SEM1: variants seen among roughly 807,000 people sequenced by gnomAD.
The protein encoded by SEM1 is 26S proteasome complex subunit SEM1.
SEM1 carries 3 observed loss-of-function variants against 12.7 expected under a neutral mutation model. The observed-to-expected ratio is 0.24, with a 90% CI of 0.11 to 0.61. The LOEUF is 0.61. Ranked by LOEUF, SEM1 falls within the 20% of genes least tolerant of loss-of-function variation. SEM1 has a pLI of 0.88. For synonymous variants in SEM1, 30 were observed against 27.8 expected, an observed-to-expected ratio of 1.08 and a Z score of -0.25; for missense variants, 59 against 81.3, an observed-to-expected ratio of 0.73 and a Z score of 1.06.
At chr7:96,487,039 G>C (rs1202390794) in intron 1 of SEM1, among the ~76,000 whole-genome samples, 1 of 152,102 alleles carries the variant, frequency 6.6e-6, no homozygotes. Flanking sequence ...GCAACTATTT[G>C]AGGAAACGCT....
chr7:96,669,459 T>C (rs1789255591), downstream of SEM1, among the ~76,000 whole-genome samples: 1 of 152,110 alleles, frequency 6.6e-6, no homozygotes, highest in Non-Finnish European at 1.5e-5. Context: ...AATCAGAAAA[T>C]GGTATAGAAA....
chr7:96,636,483 T>C lies in SEM1; in HGVS notation c.171-13840A>G, dbSNP rs151234374. Among the ~76,000 whole-genome samples the C allele has an allele frequency of 4.9e-4, 74 of 151,860 alleles. 1 individual carries two copies. The highest frequency in any genetic ancestry group is 1.7e-3 in the African/African-American group (70 of 41,436). On this transcript the variant is annotated intron_variant, in intron 2 of 2. Coordinates refer to the SEM1 transcript ENST00000417009. ...ACCACCAAGAGCTCTTCAGTGAAGT[T>C]AGAAATGGAGAAAAATCCAAGAAGC...
At chr7:96,584,779 A>G (rs1051866327) in intron 2 of SEM1, among the ~76,000 whole-genome samples, 1 of 152,036 alleles carries the variant, frequency 6.6e-6, no homozygotes, top group Non-Finnish European at 1.5e-5. Flanking sequence ...AGGCTTCTGC[A>G]TTCTTCACAT....
chr7:96,531,210 C>T (rs891779569), intron 2 of SEM1, among the ~76,000 whole-genome samples: 6 of 151,826 alleles, frequency 4.0e-5, no homozygotes, highest in Admixed American at 1.3e-4. Context: ...AAAATTTATG[C>T]TCTAATAGGA....
intron 2 of SEM1, among the ~76,000 whole-genome samples, chr7:96,566,713 A>G (rs1429453162): frequency 1.3e-5 from 2 of 151,616 alleles, no homozygotes; most frequent in African/African-American, 4.8e-5. Flanking sequence ...GGCTTCTCTC[A>G]TTACAAGATT....
chr7:96,527,791 G>A (rs532352811), intron 2 of SEM1, among the ~76,000 whole-genome samples: 1 of 152,160 alleles, frequency 6.6e-6, no homozygotes, highest in East Asian at 1.9e-4. Context: ...CTTAGCTGTT[G>A]GTTTCTCTCC....
intron 2 of SEM1, among the ~76,000 whole-genome samples, chr7:96,646,457 T>C (rs1808797086): frequency 6.6e-6 from 1 of 152,234 alleles, no homozygotes; most frequent in Non-Finnish European, 1.5e-5. Context: ...TAGTTATTAC[T>C]GTTTGGGTCA....
At chr7:96,536,519 G>A (rs1165814573) in intron 2 of SEM1, among the ~76,000 whole-genome samples, 1 of 151,648 alleles carries the variant, frequency 6.6e-6, no homozygotes, top group Non-Finnish European at 1.5e-5. Flanking sequence ...GAGTAGTGAG[G>A]TCTCCAAATA....
chr7:96,709,458 T>TC (rs1231935458), intron 1 of SEM1, among the ~76,000 whole-genome samples: 1 of 152,116 alleles, frequency 6.6e-6, no homozygotes. Flanking sequence ...CGGTGGCTCC[T>TC]CCCAGTGAGG....
Position 96,483,963 on chromosome 7 carries a change from G to A in SEM1, c.283C>T (p.Leu95=). 3 of 1,530,818 alleles carry A rather than the reference G, an allele frequency of 2.0e-6. 1 individual carries two copies. In the South Asian group the frequency reaches 3.6e-5, roughly 18 times the overall value. 94.8% of individuals were successfully genotyped at this position (1,530,818 alleles called of 1,614,324 possible). A position where few individuals can be genotyped will look rare whatever the true frequency, so the allele number is the denominator to read the frequency against. Residue 95 remains leucine, a synonymous_variant, in exon 4 of 4, where the codon CTG becomes TTG. Coordinates refer to the SEM1 transcript ENST00000356686. ...TGCACCAAGGATGGTGGGGGGCTCAGTGGAGCAGTGGAAAGAGTCAGGGAC... is the reference window on the plus strand; with the variant it reads ...TGCACCAAGGATGGTGGGGGGCTCAATGGAGCAGTGGAAAGAGTCAGGGAC...
chr7:96,678,962 T>C (rs898186834), intron 2 of SEM1, among the ~76,000 whole-genome samples: 5 of 152,222 alleles, frequency 3.3e-5, no homozygotes, highest in South Asian at 2.1e-4. Flanking sequence ...TAGTATTATA[T>C]AGACTTGTAT....
intron 2 of SEM1, among the ~76,000 whole-genome samples, chr7:96,581,447 G>A (rs1330394772): frequency 2.0e-5 from 3 of 151,550 alleles, no homozygotes; most frequent in Non-Finnish European, 4.4e-5. Context: ...TTGACTTGGC[G>A]ATGCGGGCTC....
chr7:96,584,327 C>T (rs144426171), intron 2 of SEM1, among the ~76,000 whole-genome samples: 3 of 152,268 alleles, frequency 2.0e-5, no homozygotes, highest in African/African-American at 4.8e-5. Flanking sequence ...AAGTTTCTGT[C>T]GAGAGATCTG....
At chr7:96,705,360 A>C (rs1466289332) in intron 1 of SEM1, among the ~76,000 whole-genome samples, 3 of 1,808 alleles carry the variant, frequency 1.7e-3, no homozygotes, top group Non-Finnish European at 2.6e-3. Flanking sequence ...CTTCTCTCTC[A>C]AAAAAAAAAA....
At chr7:96,604,352 G>A (rs1309457067) in intron 2 of SEM1, among the ~76,000 whole-genome samples, 1 of 152,152 alleles carries the variant, frequency 6.6e-6, no homozygotes, top group Non-Finnish European at 1.5e-5. Flanking sequence ...GCAGAGTTTA[G>A]GAAGACATTA....
In SEM1 at chr7:96,632,849, G is replaced by A. The variant is rs542662045; in HGVS notation, c.171-10206C>T. 3.3e-5 allele frequency among the ~76,000 whole-genome samples: 5 copies of A among 150,176 alleles called. No individual in the cohort carries two copies. The South Asian group carries it at 1.1e-3, about 32-fold the overall frequency. On this transcript the variant is annotated intron_variant, in intron 2 of 2. Transcript: ENST00000417009. Reference sequence around the variant, plus strand: ...TGTTTGCAGGGGTTGGGGGACAATCGGTGGAGACTTCTATTCTGCCTTCTT... The same window carrying A: ...TGTTTGCAGGGGTTGGGGGACAATCAGTGGAGACTTCTATTCTGCCTTCTT...
At chr7:96,568,495 T>G (rs908836033) in intron 2 of SEM1, among the ~76,000 whole-genome samples, 6 of 151,828 alleles carry the variant, frequency 4.0e-5, no homozygotes, top group Admixed American at 6.6e-5. Flanking sequence ...TTCTTCATTC[T>G]GATTTCCTCA....
At position 96,587,746 on chromosome 7, in the gene SEM1, G is replaced by T. The variant is rs553215456; in HGVS notation, c.171-81048C>A. Among the ~76,000 whole-genome samples, 7 of 152,090 alleles carry T rather than the reference G, an allele frequency of 4.6e-5. No individual in the cohort carries two copies. In the East Asian group the frequency reaches 1.4e-3, roughly 29 times the overall value. On this transcript the variant is annotated intron_variant and NMD_transcript_variant, in intron 2 of 3. Transcript: ENST00000466986. ...TGATGCTGATAACATTAGAGAGTAG[G>T]ATAGTTTATGGTAAAATAACATATT...
chr7:96,620,032 C>A (rs1807841057), downstream of SEM1, among the ~76,000 whole-genome samples: 2 of 152,202 alleles, frequency 1.3e-5, no homozygotes, highest in East Asian at 3.9e-4. Flanking sequence ...GCCACTCATT[C>A]CAGAACAGTG....
Sources: allele counts gnomAD v4.1 joint callset (sites outside exome capture counted in the v4.1 genomes callset), GRCh38; gene constraint gnomAD v4.1.1; transcripts MANE v1.5; gene names NCBI Gene and HGNC (gene_info 2026-07-23, HGNC 2026-07-21).